TNFRSF8: variants seen among roughly 807,000 people sequenced by gnomAD.
TNFRSF8 encodes tumor necrosis factor receptor superfamily member 8.
TNFRSF8 carries 26 observed loss-of-function variants against 70.8 expected under a neutral mutation model. That is an observed-to-expected ratio of 0.37 (90% confidence interval 0.27 to 0.51). TNFRSF8 has a LOEUF of 0.51. Ranked by LOEUF, TNFRSF8 falls within the 20% of genes least tolerant of loss-of-function variation. The pLI is 0.94. For synonymous variants in TNFRSF8, 356 were observed against 339.2 expected (o/e 1.05, Z -0.54); for missense variants, 720 against 807.9 (o/e 0.89, Z 1.32).
At chr1:12,135,178 T>C (rs1442684322) in intron 12 of TNFRSF8, among the ~76,000 whole-genome samples, 1 of 151,664 alleles carries the variant, frequency 6.6e-6, no homozygotes, top group Non-Finnish European at 1.5e-5. Flanking sequence ...TAGCTGGGGT[T>C]GGTGGCACGA....
intron 12 of TNFRSF8, among the ~76,000 whole-genome samples, chr1:12,129,964 G>A (rs906544427): frequency 2.0e-5 from 3 of 152,178 alleles, no homozygotes; most frequent in Non-Finnish European, 2.9e-5. Flanking sequence ...GAGTGCAGTA[G>A]TGTGATCTCG....
intron 4 of TNFRSF8, among the ~76,000 whole-genome samples, chr1:12,105,939 CAAA>C (rs748432437): frequency 1.5e-4 from 10 of 64,904 alleles, no homozygotes; most frequent in Admixed American, 5.4e-4. Flanking sequence ...GACTCCGTCT[CAAA>C]AAAAAAAAAA....
chr1:12,114,013 A>G (rs1223523839), intron 7 of TNFRSF8, among the ~76,000 whole-genome samples: 2 of 152,156 alleles, frequency 1.3e-5, no homozygotes, highest in African/African-American at 4.8e-5. Flanking sequence ...ATGTGGACAT[A>G]TGGAGAAAGA....
At chr1:12,133,688 C>A (rs55764166) in intron 12 of TNFRSF8, among the ~76,000 whole-genome samples, 3 of 143,338 alleles carry the variant, frequency 2.1e-5, no homozygotes, top group Non-Finnish European at 4.5e-5. Flanking sequence ...TGCAGTGAGC[C>A]GAGATCGCGC....
chr1:12,072,324 G>T (rs1186469958), intron 1 of TNFRSF8, among the ~76,000 whole-genome samples: 5 of 152,174 alleles, frequency 3.3e-5, no homozygotes, highest in African/African-American at 1.2e-4. Context: ...CCTTGCCCTC[G>T]ATGGGGGGCA....
intron 2 of TNFRSF8, among the ~76,000 whole-genome samples, chr1:12,096,084 G>A (rs528942911): frequency 1.3e-5 from 2 of 152,326 alleles, no homozygotes; most frequent in African/African-American, 4.8e-5. Context: ...TGGCTGGCAT[G>A]CCTGGGTCAT....
At chr1:12,121,642 A>G (rs564881026) in intron 8 of TNFRSF8, among the ~76,000 whole-genome samples, 39 of 152,206 alleles carry the variant, frequency 2.6e-4, no homozygotes, top group Non-Finnish European at 5.1e-4. Context: ...AAAACAAGGT[A>G]GCTGGGTCAG....
chr1:12,115,947 T>TA (rs970003693), intron 8 of TNFRSF8, among the ~76,000 whole-genome samples: 4 of 151,794 alleles, frequency 2.6e-5, no homozygotes, highest in African/African-American at 7.3e-5. Context: ...TTCTGTTGAT[T>TA]AAAAAAAAAT....
chr1:12,095,289 CTTT>C (rs758380440), intron 2 of TNFRSF8, among the ~76,000 whole-genome samples: 4 of 143,574 alleles, frequency 2.8e-5, no homozygotes, highest in Admixed American at 1.4e-4. Flanking sequence ...GTTACTGTAT[CTTT>C]TTTTTTTTTT....
In TNFRSF8 at chr1:12,110,270, G is replaced by C; in HGVS notation, c.676+66G>C. The C allele has an allele frequency of 6.8e-7, 1 of 1,470,864 alleles. No homozygotes were observed. The allele number at this position is 1,470,864 out of a possible 1,614,324, so 91.1% of individuals were successfully genotyped here. ...CTCGATTGGTGGATGGCCCATGAGTGGGGGTGTTTGGAGCAGGCGGGCAGT... is the reference window on the plus strand; with the variant it reads ...CTCGATTGGTGGATGGCCCATGAGTCGGGGTGTTTGGAGCAGGCGGGCAGT... On this transcript the variant is annotated intron_variant, in intron 6 of 14. Transcript: ENST00000263932. This position sits in a 1 kb window ranked among gnomAD's most constrained non-coding sequence, Gnocchi z 4.0.
chr1:12,073,401 C>A (rs1640881490), intron 1 of TNFRSF8, among the ~76,000 whole-genome samples: 1 of 152,080 alleles, frequency 6.6e-6, no homozygotes, highest in African/African-American at 2.4e-5. Flanking sequence ...GCCCCGCTTC[C>A]TTTTCCTTCA....
intron 1 of TNFRSF8, among the ~76,000 whole-genome samples, chr1:12,072,244 T>C (rs542979663): frequency 6.6e-6 from 1 of 152,232 alleles, no homozygotes; most frequent in Non-Finnish European, 1.5e-5. Flanking sequence ...CAAATAAAGG[T>C]GAGCCTTATT....
intron 2 of TNFRSF8, among the ~76,000 whole-genome samples, chr1:12,092,278 A>G (rs1289441943): frequency 6.6e-6 from 1 of 151,940 alleles, no homozygotes; most frequent in African/African-American, 2.4e-5. Flanking sequence ...TCCTGGGCTG[A>G]AGTGATCCTC....
rs1440389590 is a variant in TNFRSF8 at position 12,063,305 on chromosome 1, G to A, written c.-294G>A. 3.0e-6 allele frequency: 1 copy of A among 337,192 alleles called. No homozygotes were observed. The highest frequency in any genetic ancestry group is 4.5e-5 in the East Asian group (1 of 22,352). 20.9% of individuals were successfully genotyped at this position (337,192 alleles called of 1,614,324 possible). A position where few individuals can be genotyped will look rare whatever the true frequency, so the allele number is the denominator to read the frequency against. On this transcript the variant is annotated 5_prime_UTR_variant, in exon 1 of 15. Coordinates refer to ENST00000263932, the MANE Select transcript of TNFRSF8 (RefSeq NM_001243.5). This position sits in a 1 kb window ranked among gnomAD's most constrained non-coding sequence, Gnocchi z 7.2. ...GGCGTCTCCTAGTGTGCCTTTTCCT[G>A]AGTCATCTCTGCACGTGTTTGCCCC...
intron 1 of TNFRSF8, among the ~76,000 whole-genome samples, chr1:12,079,698 T>A (rs2100960129): frequency 6.6e-6 from 1 of 152,242 alleles, no homozygotes; most frequent in Admixed American, 6.5e-5. Context: ...CCAAGGGGAT[T>A]TGAGAGGCAC....
In TNFRSF8 at chr1:12,142,667, C is replaced by A. The variant is rs189861783; in HGVS notation, c.*136C>A. 5 of 1,228,908 alleles carry A rather than the reference C, an allele frequency of 4.1e-6. No individual in the cohort carries two copies. The highest frequency in any genetic ancestry group is 5.5e-6 in the Non-Finnish European group (5 of 905,322). The allele number at this position is 1,228,908 out of a possible 1,614,324, so 76.1% of individuals were successfully genotyped here. On this transcript the variant is annotated 3_prime_UTR_variant, in exon 15 of 15. Coordinates refer to ENST00000263932, the MANE Select transcript of TNFRSF8 (RefSeq NM_001243.5). This position sits in a 1 kb window ranked among gnomAD's most constrained non-coding sequence, Gnocchi z 5.0. The stretch of plus-strand genomic sequence containing the variant: ...CTCCAGCATCTAGTGGTGGACCGGC[C>A]GGTCACTGCAGGGGTCTGGTGGTCT...
At position 12,101,671 on chromosome 1, in the gene TNFRSF8, A is replaced by G. The variant is rs377656859; in HGVS notation, c.269-2708A>G. On this transcript the variant is annotated intron_variant, in intron 3 of 14. Coordinates refer to ENST00000263932, the MANE Select transcript of TNFRSF8 (RefSeq NM_001243.5). ...GCAATAGGAATTTTTCAGCTCCATT[A>G]TAATCTCTTTTATTGTTTTTTTTGT... is the stretch of plus-strand genomic sequence containing the variant. 1.0e-4 allele frequency among the ~76,000 whole-genome samples: 15 copies of G among 146,066 alleles called. No individual in the cohort carries two copies. The South Asian group carries it at 1.1e-3, about 10-fold the overall frequency.
intron 2 of TNFRSF8, among the ~76,000 whole-genome samples, chr1:12,089,708 G>GA (rs1301139743): frequency 2.6e-5 from 4 of 152,118 alleles, no homozygotes; most frequent in Non-Finnish European, 5.9e-5. Flanking sequence ...ATATATATCT[G>GA]ATACTCCAGA....
rs1169739655 is a variant in TNFRSF8, at chr1:12,088,535, A to G, written c.151+3984A>G. ...GAGGCAGAAGAGTTTACGAGTGAAG[A>G]GCTAATGCGGGGGCTACAAAGCCCT... On this transcript the variant is annotated intron_variant, in intron 2 of 14. Transcript: ENST00000263932. The surrounding 1 kb of genome is among the most constrained non-coding windows in gnomAD (Gnocchi z 4.0). 6.6e-6 allele frequency among the ~76,000 whole-genome samples: 1 copy of G among 152,080 alleles called. No homozygotes were observed. The highest frequency in any genetic ancestry group is 1.5e-5 in the Non-Finnish European group (1 of 68,020).
Sources: allele counts gnomAD v4.1 joint callset (sites outside exome capture counted in the v4.1 genomes callset), GRCh38; gene constraint gnomAD v4.1.1; non-coding constraint Gnocchi (gnomAD v3.1); transcripts MANE v1.5; gene names NCBI Gene and HGNC (gene_info 2026-07-23, HGNC 2026-07-21).